The following TAPBP variants were observed in gnomAD, a reference collection of about 807,000 sequenced individuals.
TAPBP encodes the protein tapasin.
TAPBP carries 38 observed loss-of-function variants against 45.7 expected under a neutral mutation model. The ratio of observed to expected loss-of-function variants is 0.83; its 90% CI spans 0.64 to 1.09. The LOEUF (loss-of-function observed/expected upper bound fraction) is 1.09. TAPBP is among the 50% of genes least tolerant of loss of function. The probability of loss-of-function intolerance (pLI) is 0.00; values close to 1 mark genes in which losing one functional copy is unlikely to be tolerated. For missense variants in TAPBP, 513 were observed against 587.3 expected, an observed-to-expected ratio of 0.87 and a Z score of 1.31; for synonymous variants, 226 against 254.8, an observed-to-expected ratio of 0.89 and a Z score of 1.08.
Position 33,313,827 on chromosome 6 carries a change from G to T in TAPBP, c.75C>A (p.Ile25=). ...TCGCATCCTCCACGAACCAACACTC[G>T]ATCACCGCGGGTCCTGCTGAGACGG... is the stretch of plus-strand genomic sequence containing the variant. ...ATAVSAGPAV[I]ECWFVEDASG... Residue 25 remains isoleucine, a synonymous_variant, in exon 2 of 8, where the codon ATC becomes ATA. Coordinates refer to ENST00000434618, the MANE Select transcript of TAPBP (RefSeq NM_003190.5). This position sits in a 1 kb window ranked among gnomAD's most constrained non-coding sequence, Gnocchi z 7.2. 6.2e-7 allele frequency: 1 copy of T among 1,613,802 alleles called. No homozygotes were observed. The highest frequency in any genetic ancestry group is 8.5e-7 in the Non-Finnish European group (1 of 1,180,008).
At chr6:33,310,442 G>A (rs1237176522) in intron 3 of TAPBP, among the ~76,000 whole-genome samples, 2 of 137,164 alleles carry the variant, frequency 1.5e-5, no homozygotes, top group African/African-American at 2.7e-5. Flanking sequence ...GGAGGCAGAA[G>A]TTGAAATGAG....
chr6:33,313,674 GC>G lies in TAPBP; in HGVS notation c.208+19del. 6.3e-7 allele frequency: 1 copy of G among 1,598,734 alleles called. No homozygotes were observed. The highest frequency in any genetic ancestry group is 8.6e-7 in the Non-Finnish European group (1 of 1,169,268). ...TGGAGGCGACAGAGGTAGGGGGGCG[GC>G]GAGTCCCTAGAGACTCACCGTGTAC... On this transcript the variant is annotated intron_variant, in intron 2 of 7. Coordinates refer to ENST00000434618, the MANE Select transcript of TAPBP (RefSeq NM_003190.5). The surrounding 1 kb of genome is among the most constrained non-coding windows in gnomAD (Gnocchi z 7.2).
Position 33,313,716 on chromosome 6 carries a change from A to C in TAPBP, c.186T>G (p.Pro62=). The change falls in exon 2 of 8, where the codon CCT becomes CCG. Residue 62 remains proline (P), a synonymous_variant. Transcript: ENST00000434618. This position sits in a 1 kb window ranked among gnomAD's most constrained non-coding sequence, Gnocchi z 7.2. ...GEPPPRPDLD[P]ELYLSVHDPA... is the part of the protein sequence containing the mutation. Reference sequence around the variant, plus strand: ...CACCGTGTACACTGAGATAGAGCTCAGGGTCGAGGTCCGGCCGGGGCGGCG... The same window carrying C: ...CACCGTGTACACTGAGATAGAGCTCCGGGTCGAGGTCCGGCCGGGGCGGCG... 1.2e-6 allele frequency: 2 copies of C among 1,613,270 alleles called. No individual in the cohort carries two copies. The highest frequency in any genetic ancestry group is 1.7e-6 in the Non-Finnish European group (2 of 1,179,890).
rs59097151 is a variant in TAPBP at position 33,301,434 on chromosome 6, T to C, written c.*326A>G. 0.024 allele frequency: 7,834 copies of C among 329,066 alleles called. 593 individuals carry two copies. Among genetic ancestry groups the C allele is most frequent in the African/African-American group, 0.15 (7,095 of 46,582 alleles). 20.4% of individuals were successfully genotyped at this position (329,066 alleles called of 1,614,324 possible). A position where few individuals can be genotyped will look rare whatever the true frequency, so the allele number is the denominator to read the frequency against. On this transcript the variant is annotated 3_prime_UTR_variant, in exon 8 of 8. Coordinates refer to ENST00000434618, the MANE Select transcript of TAPBP (RefSeq NM_003190.5). ...ACTAAAAATACAAAAATTCACTGGG[T>C]GTGGTGGCATGTGCCTGTAATCCCA...
In TAPBP at chr6:33,305,562, C is replaced by T. The variant is rs750009520; in HGVS notation, c.470-175G>A. ...GCCCTCCCTGCAAACTCCTTTTGCT[C>T]TGCGACTGGGTGGCACCTAGTGTGG... On this transcript the variant is annotated intron_variant, in intron 3 of 7. Transcript: ENST00000434618. The surrounding 1 kb of genome is among the most constrained non-coding windows in gnomAD (Gnocchi z 4.4). 1.3e-5 allele frequency among the ~76,000 whole-genome samples: 2 copies of T among 152,172 alleles called. No individual in the cohort carries two copies. Among genetic ancestry groups the T allele is most frequent in the Admixed American group, 6.5e-5 (1 of 15,282 alleles).
At chr6:33,302,654 T>G (rs1768672633) in intron 7 of TAPBP, among the ~76,000 whole-genome samples, 1 of 148,540 alleles carries the variant, frequency 6.7e-6, no homozygotes, top group Non-Finnish European at 1.5e-5. Context: ...TTCTTTTTTT[T>G]TTGTTGTTGA....
intron 3 of TAPBP, among the ~76,000 whole-genome samples, chr6:33,309,161 G>A (rs1769167599): frequency 6.6e-6 from 1 of 151,906 alleles, no homozygotes; most frequent in African/African-American, 2.4e-5. Context: ...TTGGGAGGCC[G>A]AGGCCGGTGG....
chr6:33,303,812 T>C (rs1359978120), intron 7 of TAPBP, 143 bp downstream of exon 7: 2 of 1,577,086 alleles, frequency 1.3e-6, no homozygotes, highest in Non-Finnish European at 1.7e-6. Flanking sequence ...AGTTAGGATA[T>C]AGTGCCAGGT....
At chr6:33,312,295 C>G (rs1769402552) in intron 3 of TAPBP, among the ~76,000 whole-genome samples, 2 of 152,026 alleles carry the variant, frequency 1.3e-5, no homozygotes, top group Non-Finnish European at 2.9e-5. Flanking sequence ...AAGTCTGTCT[C>G]CCTGGTTCTG....
rs2150975847 is a variant in TAPBP, at chr6:33,313,749, C to CG, written c.152dup (p.Glu53GlyfsTer11). 1 of 1,613,628 alleles carries CG rather than the reference C, an allele frequency of 6.2e-7. No homozygotes were observed. Among genetic ancestry groups the CG allele is most frequent in the East Asian group, 2.2e-5 (1 of 44,870 alleles). On this transcript the variant is annotated frameshift_variant, in exon 2 of 8. Coordinates refer to ENST00000434618, the MANE Select transcript of TAPBP (RefSeq NM_003190.5). LOFTEE classifies it high-confidence loss of function. The surrounding 1 kb of genome is among the most constrained non-coding windows in gnomAD (Gnocchi z 7.2). ...GGTCCGGCCGGGGCGGCGGTTCCCC[C>CG]GGTCCCTGGCGCAACAGCAGTGCAC...
chr6:33,311,084 A>G (rs1490625613), intron 3 of TAPBP, among the ~76,000 whole-genome samples: 2 of 152,040 alleles, frequency 1.3e-5, no homozygotes, highest in Non-Finnish European at 2.9e-5. Context: ...TGGAAGGCCA[A>G]GGTGGGTGGA....
In TAPBP at chr6:33,313,693, C is replaced by G. The variant is rs111946640; in HGVS notation, c.208+1G>C. 8 of 1,612,116 alleles carry G rather than the reference C, an allele frequency of 5.0e-6. No individual in the cohort carries two copies. The highest frequency in any genetic ancestry group is 6.8e-6 in the Non-Finnish European group (8 of 1,179,246). On this transcript the variant is annotated splice_donor_variant, in intron 2 of 7. Coordinates refer to ENST00000434618, the MANE Select transcript of TAPBP (RefSeq NM_003190.5). LOFTEE classifies it high-confidence loss of function. This position sits in a 1 kb window ranked among gnomAD's most constrained non-coding sequence, Gnocchi z 7.2. ...GGGGCGGCGAGTCCCTAGAGACTCA[C>G]CGTGTACACTGAGATAGAGCTCAGG...
rs11350807 is a variant in TAPBP at position 33,301,573 on chromosome 6, C to CAA, written c.*185_*186dup. 1,153 of 424,124 alleles carry CAA rather than the reference C, an allele frequency of 2.7e-3. No homozygotes were observed. Among genetic ancestry groups the CAA allele is most frequent in the East Asian group, 3.5e-3 (88 of 25,424 alleles). The allele number at this position is 424,124 out of a possible 1,614,324, so 26.3% of individuals were successfully genotyped here. On this transcript the variant is annotated 3_prime_UTR_variant, in exon 8 of 8. Transcript: ENST00000434618. The stretch of plus-strand genomic sequence containing the variant: ...TGGGCGGAAGAGTGAGACTCCGTCT[C>CAA]AAAAAAAAAAAAAAAAGAAAAATTA...
rs1307159624 is a variant in TAPBP, at chr6:33,303,620, G to A, written c.1335+335C>T. 4 of 936,194 alleles carry A rather than the reference G, an allele frequency of 4.3e-6. No individual in the cohort carries two copies. The African/African-American group carries it at 5.0e-5, about 12-fold the overall frequency. 58.0% of individuals were successfully genotyped at this position (936,194 alleles called of 1,614,324 possible). ...GACCAGAATTATTAGATTAAATAAG[G>A]TATATTATTAAGTTAATTTTACCTG... On this transcript the variant is annotated intron_variant, in intron 7 of 7. Transcript: ENST00000434618.
intron 7 of TAPBP, among the ~76,000 whole-genome samples, chr6:33,302,359 C>G (rs1198843685): frequency 2.0e-5 from 3 of 152,088 alleles, no homozygotes; most frequent in African/African-American, 4.8e-5. Flanking sequence ...GAGCCTCACT[C>G]TGTTGCCCAG....
At chr6:33,311,890 G>A (rs988621673) in intron 3 of TAPBP, among the ~76,000 whole-genome samples, 2 of 152,108 alleles carry the variant, frequency 1.3e-5, no homozygotes, top group African/African-American at 4.8e-5. Context: ...TGATTTAATC[G>A]GCCAAGCTAA....
rs62406706 is a variant in TAPBP, at chr6:33,303,427, A to G, written c.1335+528T>C. On this transcript the variant is annotated intron_variant, in intron 7 of 7. Coordinates refer to ENST00000434618, the MANE Select transcript of TAPBP (RefSeq NM_003190.5). ...GAGACTCTGTCTCAAAAAAAAAGAG[A>G]AGGAAAAAAATCTTCAGGCCATGTG... is the stretch of plus-strand genomic sequence containing the variant. The G allele has an allele frequency of 1.0e-3, 233 of 230,398 alleles. 1 individual carries two copies. Among genetic ancestry groups the G allele is most frequent in the Non-Finnish European group, 1.7e-3 (198 of 116,246 alleles). The allele number at this position is 230,398 out of a possible 1,614,324, so 14.3% of individuals were successfully genotyped here. A position where few individuals can be genotyped will look rare whatever the true frequency, so the allele number is the denominator to read the frequency against.
At chr6:33,308,735 A>T (rs1208610076) in intron 3 of TAPBP, among the ~76,000 whole-genome samples, 2 of 146,268 alleles carry the variant, frequency 1.4e-5, no homozygotes, top group African/African-American at 2.5e-5. Flanking sequence ...ATTTTTTCAC[A>T]TTTTTTTTTT....
rs9280403 is a variant in TAPBP at position 33,313,018 on chromosome 6, GTT to G, written c.469+197_469+198del. ...CCTGCCAAGCTGCAGTTTTTTTTTT[GTT>G]TTTTTTTTTTAACTGGGTGAGGGCT... is the stretch of plus-strand genomic sequence containing the variant. On this transcript the variant is annotated intron_variant, in intron 3 of 7. Transcript: ENST00000434618. The surrounding 1 kb of genome is among the most constrained non-coding windows in gnomAD (Gnocchi z 7.2). 3.5e-3 allele frequency: 1,323 copies of G among 374,612 alleles called. No homozygotes were observed. Among genetic ancestry groups the G allele is most frequent in the South Asian group, 5.1e-3 (46 of 9,048 alleles). 23.2% of individuals were successfully genotyped at this position (374,612 alleles called of 1,614,324 possible).
Sources: gnomAD v4.1 joint callset for allele counts (sites outside exome capture counted in the v4.1 genomes callset) on GRCh38, gnomAD v4.1.1 for gene constraint, Gnocchi (gnomAD v3.1) non-coding constraint, MANE v1.5 for transcripts, NCBI Gene and HGNC (gene_info 2026-07-23, HGNC 2026-07-21) for gene names.